The following USP45 variants were observed in gnomAD, a reference collection of about 807,000 sequenced individuals.
The protein encoded by USP45 is ubiquitin specific peptidase 45.
USP45 carries 89 observed loss-of-function variants against 95.8 expected under a neutral mutation model. That is an observed-to-expected ratio of 0.93 (90% confidence interval 0.78 to 1.11). USP45 has a LOEUF of 1.11. USP45 is among the 50% of genes least tolerant of loss of function. The pLI is 0.00. For missense variants in USP45, 898 were observed against 942.5 expected, an observed-to-expected ratio of 0.95 and a Z score of 0.62; for synonymous variants, 281 against 316.2, an observed-to-expected ratio of 0.89 and a Z score of 1.18.
In USP45 at chr6:99,503,767, G is replaced by A. The variant is rs749242288; in HGVS notation, c.476C>T (p.Thr159Ile). ...CCTTTAGTCATCGCTTAACTTACTT[G>A]TTTGTGTTTTAGAAGCATGTTTCTG... is the stretch of plus-strand genomic sequence containing the variant. ...FLQKHASKTQ[T>I]SAFSRIMKLC... Residue 159 changes from threonine to isoleucine, a missense_variant and splice_region_variant, in exon 5 of 18, where the codon ACA becomes ATA. Coordinates refer to ENST00000500704, the MANE Select transcript of USP45 (RefSeq NM_001346022.3). 5.1e-6 allele frequency: 8 copies of A among 1,581,282 alleles called. No individual in the cohort carries two copies. The South Asian group carries it at 8.2e-5, about 16-fold the overall frequency.
At chr6:99,484,004 G>GGTTTTTTTT (rs1554246518) in intron 7 of USP45, among the ~76,000 whole-genome samples, 1 of 91,464 alleles carries the variant, frequency 1.1e-5, no homozygotes, top group East Asian at 3.8e-4. Flanking sequence ...ATTTTCCATA[G>GGTTTTTTTT]TTTTTTTTTT....
At chr6:99,504,520 C>T (rs1425919313) in intron 4 of USP45, among the ~76,000 whole-genome samples, 1 of 152,088 alleles carries the variant, frequency 6.6e-6, no homozygotes, top group Non-Finnish European at 1.5e-5. Flanking sequence ...GGAAGAGAAA[C>T]AGATTAGTAT....
At chr6:99,456,740 G>A (rs1174878736) in intron 13 of USP45, among the ~76,000 whole-genome samples, 2 of 152,148 alleles carry the variant, frequency 1.3e-5, no homozygotes, top group African/African-American at 4.8e-5. Flanking sequence ...AAATTGTACA[G>A]CATGTGTGTT....
chr6:99,446,756 C>CT (rs764229397), intron 13 of USP45, among the ~76,000 whole-genome samples: 12 of 152,076 alleles, frequency 7.9e-5, no homozygotes, highest in East Asian at 3.9e-4. Context: ...AGAAAAATCT[C>CT]TTTTAGAGAC....
chr6:99,439,017 CAGAT>C (rs542281686), intron 16 of USP45, among the ~76,000 whole-genome samples: 65 of 152,310 alleles, frequency 4.3e-4, no homozygotes, highest in African/African-American at 1.5e-3. Context: ...TAACAATTGA[CAGAT>C]AGTGCTGGTA....
intron 17 of USP45, among the ~76,000 whole-genome samples, chr6:99,436,377 C>T (rs1380008002): frequency 6.6e-6 from 1 of 151,664 alleles, no homozygotes; most frequent in Non-Finnish European, 1.5e-5. Flanking sequence ...CATGGTGAAA[C>T]CCCGTCTCTA....
chr6:99,493,122 G>A (rs950890820), intron 5 of USP45, among the ~76,000 whole-genome samples: 2 of 152,054 alleles, frequency 1.3e-5, no homozygotes, highest in African/African-American at 2.4e-5. Context: ...CGCTCCCTGG[G>A]TTCAAGCAAT....
At position 99,508,785 on chromosome 6, in the gene USP45, GAATA is replaced by G; in HGVS notation, c.101-7_101-4del. On this transcript the variant is annotated splice_region_variant and splice_polypyrimidine_tract_variant and intron_variant, in intron 2 of 17. Transcript: ENST00000500704. ...TACATGTTGGCAAGTTAAACCTACT[GAATA>G]AGATAAAACAAAATCTCAACATTTT... 6.2e-7 allele frequency: 1 copy of G among 1,604,034 alleles called. No individual in the cohort carries two copies. The highest frequency in any genetic ancestry group is 2.2e-5 in the East Asian group (1 of 44,654).
intron 13 of USP45, among the ~76,000 whole-genome samples, chr6:99,463,580 G>A (rs982649066): frequency 2.0e-5 from 3 of 152,110 alleles, no homozygotes; most frequent in African/African-American, 4.8e-5. Flanking sequence ...TTGGGAGGCT[G>A]AGGCGGGTGG....
chr6:99,503,624 C>A (rs1797874340), intron 5 of USP45, 141 bp downstream of exon 5: 1 of 580,452 alleles, frequency 1.7e-6, no homozygotes, highest in East Asian at 3.4e-5. Flanking sequence ...GCCACTGCAC[C>A]CAGCCGATAC....
At chr6:99,445,297 A>G (rs1562305649) in intron 14 of USP45, among the ~76,000 whole-genome samples, 1 of 152,220 alleles carries the variant, frequency 6.6e-6, no homozygotes, top group East Asian at 1.9e-4. Flanking sequence ...AGCCTGGCCA[A>G]GATGGTGAAA....
At chr6:99,505,979 TTA>T (rs911166210) in intron 4 of USP45, among the ~76,000 whole-genome samples, 24 of 152,158 alleles carry the variant, frequency 1.6e-4, no homozygotes, top group African/African-American at 5.8e-4. Flanking sequence ...AATGCATCAT[TTA>T]TATATTAAGT....
intron 13 of USP45, among the ~76,000 whole-genome samples, chr6:99,447,375 GAGTAAGTTATAAA>G (rs1250170291): frequency 6.6e-6 from 1 of 152,206 alleles, no homozygotes; most frequent in East Asian, 1.9e-4. Context: ...AGGGGAAGAA[GAGTAAGTTATAAA>G]AAGTGTCTTG....
At position 99,476,314 on chromosome 6, in the gene USP45, A is replaced by G; in HGVS notation, c.846-84T>C. On this transcript the variant is annotated intron_variant, in intron 8 of 17. Coordinates refer to ENST00000500704, the MANE Select transcript of USP45 (RefSeq NM_001346022.3). ...ACACTCTTCTCTAAATGCACTTGAA[A>G]TAGCATATTATTAGCTGGGTGCGGC... is the stretch of plus-strand genomic sequence containing the variant. 4.5e-6 allele frequency: 6 copies of G among 1,333,470 alleles called. No individual in the cohort carries two copies. In the South Asian group the frequency reaches 7.3e-5, roughly 16 times the overall value. The allele number at this position is 1,333,470 out of a possible 1,614,324, so 82.6% of individuals were successfully genotyped here.
At chr6:99,508,895 A>C in intron 2 of USP45, 113 bp from the exon 3 acceptor site, 1 of 832,302 alleles carries the variant, frequency 1.2e-6, no homozygotes, top group Non-Finnish European at 1.8e-6. Flanking sequence ...ACAGAGATTG[A>C]ACACACAAAA....
At chr6:99,440,862 A>G (rs1781388075) in intron 15 of USP45, among the ~76,000 whole-genome samples, 1 of 152,146 alleles carries the variant, frequency 6.6e-6, no homozygotes, top group Admixed American at 6.5e-5. Flanking sequence ...ACCCAATACC[A>G]GCACTGTCTG....
chr6:99,451,766 C>T (rs1045027578), intron 13 of USP45, among the ~76,000 whole-genome samples: 25 of 152,176 alleles, frequency 1.6e-4, no homozygotes, highest in Non-Finnish European at 3.4e-4. Flanking sequence ...ATCAGGCTAC[C>T]TGACTTCAAA....
intron 13 of USP45, among the ~76,000 whole-genome samples, chr6:99,454,904 T>C (rs2128588088): frequency 6.6e-6 from 1 of 151,704 alleles, no homozygotes; most frequent in South Asian, 2.1e-4. Flanking sequence ...CTGGCCAACA[T>C]GGTGAAAACC....
chr6:99,479,165 C>G (rs9494538), intron 8 of USP45, among the ~76,000 whole-genome samples: 2 of 1,690 alleles, frequency 1.2e-3, no homozygotes, highest in Non-Finnish European at 3.1e-3. Flanking sequence ...TACATATATA[C>G]ACACACACAC....
Sources: allele counts gnomAD v4.1 joint callset (sites outside exome capture counted in the v4.1 genomes callset), GRCh38; gene constraint gnomAD v4.1.1; transcripts MANE v1.5; gene names NCBI Gene and HGNC (gene_info 2026-07-23, HGNC 2026-07-21).